The following REXO5 variants were observed in gnomAD, a reference collection of about 807,000 sequenced individuals.
The protein encoded by REXO5 is exonuclease NEF-sp.
A neutral mutation model predicts 88.5 loss-of-function variants in REXO5; 48 were observed. The observed-to-expected ratio is 0.54, with a 90% CI of 0.43 to 0.69. The LOEUF is 0.69. Among genes scored for constraint, REXO5 ranks in the 30% least tolerant of loss-of-function variants. The pLI is 0.00. For missense variants in REXO5, 749 were observed against 912.2 expected, an observed-to-expected ratio of 0.82 and a Z score of 2.30; for synonymous variants, 311 against 336.5, an observed-to-expected ratio of 0.92 and a Z score of 0.83.
chr16:20,810,966 T>C lies in REXO5; in HGVS notation c.139-2224T>C, dbSNP rs151186021. ...GGCTTTAAACCCTGCAACAGGCCACTACTGTCCCTCAGCATTGATGCCCTC... is the reference window on the plus strand; with the variant it reads ...GGCTTTAAACCCTGCAACAGGCCACCACTGTCCCTCAGCATTGATGCCCTC... On this transcript the variant is annotated intron_variant, in intron 2 of 19. Coordinates refer to ENST00000261377, the MANE Select transcript of REXO5 (RefSeq NM_030941.3). Among the ~76,000 whole-genome samples the C allele has an allele frequency of 1.3e-3, 200 of 152,306 alleles. 3 individuals carry two copies. In the East Asian group the frequency reaches 0.036, roughly 27 times the overall value.
At chr16:20,810,199 T>A (rs1426724429) in intron 2 of REXO5, among the ~76,000 whole-genome samples, 3 of 152,218 alleles carry the variant, frequency 2.0e-5, no homozygotes. Flanking sequence ...TATGGTGATG[T>A]TAATACAGAT....
intron 2 of REXO5, among the ~76,000 whole-genome samples, chr16:20,811,135 C>T (rs985490273): frequency 1.3e-5 from 2 of 152,204 alleles, no homozygotes; most frequent in African/African-American, 4.8e-5. Context: ...GCTTCTGCTC[C>T]TAGTCCTGGA....
chr16:20,812,671 A>C (rs572324195), intron 2 of REXO5, among the ~76,000 whole-genome samples: 1 of 152,044 alleles, frequency 6.6e-6, no homozygotes, highest in South Asian at 2.1e-4. Flanking sequence ...CTCTCCTCAT[A>C]CCTCCACTAC....
At chr16:20,830,008 AC>A (rs1296459574) in intron 11 of REXO5, among the ~76,000 whole-genome samples, 1 of 152,160 alleles carries the variant, frequency 6.6e-6, no homozygotes, top group African/African-American at 2.4e-5. Flanking sequence ...CTGAAATAAA[AC>A]TTTATTTATT....
In REXO5 at chr16:20,808,539, G is replaced by T. The variant is rs116689383; in HGVS notation, c.138+1448G>T. ...TGAATCAAGTTCACTGCCCTAGTAG[G>T]TCTTATATTCTAGTGGGCAGAGACA... On this transcript the variant is annotated intron_variant, in intron 2 of 19. Transcript: ENST00000261377. 3.6e-3 allele frequency among the ~76,000 whole-genome samples: 552 copies of T among 151,946 alleles called. 3 individuals are homozygous for T. Among genetic ancestry groups the T allele is most frequent in the African/African-American group, 0.012 (508 of 41,428 alleles).
In REXO5 at chr16:20,845,111, G is replaced by A; in HGVS notation, c.1994G>A (p.Trp665Ter). 6.2e-7 allele frequency: 1 copy of A among 1,614,118 alleles called. No homozygotes were observed. Among genetic ancestry groups the A allele is most frequent in the South Asian group, 1.1e-5 (1 of 91,084 alleles). Residue 665 changes from tryptophan (W) to a stop codon, truncating the protein, a stop_gained, in exon 18 of 20, where the codon TGG becomes TAG. Coordinates refer to ENST00000261377, the MANE Select transcript of REXO5 (RefSeq NM_030941.3). LOFTEE classifies it high-confidence loss of function. ...QALNILTGKD[W>*]KLKGRHALTP... ...CTCAACATTCTCACAGGCAAGGACTGGAAGCTGAAAGGCAGGCATGCCCTA... is the reference window on the plus strand; with the variant it reads ...CTCAACATTCTCACAGGCAAGGACTAGAAGCTGAAAGGCAGGCATGCCCTA...
chr16:20,812,247 C>T (rs1005982817), intron 2 of REXO5, among the ~76,000 whole-genome samples: 6 of 152,084 alleles, frequency 3.9e-5, no homozygotes, highest in African/African-American at 9.7e-5. Flanking sequence ...ATAGGCCGGG[C>T]GTGGTGGCTC....
chr16:20,831,139 C>T (rs1464173250), intron 11 of REXO5, among the ~76,000 whole-genome samples: 1 of 151,530 alleles, frequency 6.6e-6, no homozygotes, highest in Non-Finnish European at 1.5e-5. Context: ...CTACAAATAA[C>T]TTACTTTTAT....
chr16:20,844,939 G>T, intron 17 of REXO5, 94 bp downstream of exon 17: 1 of 1,537,564 alleles, frequency 6.5e-7, no homozygotes, highest in Non-Finnish European at 8.9e-7. Context: ...TCCTGGGCTG[G>T]ACCAGGGCAG....
chr16:20,820,538 A>G (rs1227822635), intron 5 of REXO5, among the ~76,000 whole-genome samples: 1 of 10,618 alleles, frequency 9.4e-5, no homozygotes. Flanking sequence ...ATATATATAT[A>G]TATATATTTT....
chr16:20,808,390 T>A (rs1458690393), intron 2 of REXO5, among the ~76,000 whole-genome samples: 6 of 152,138 alleles, frequency 3.9e-5, no homozygotes, highest in Admixed American at 3.9e-4. Context: ...TGGACTACAG[T>A]GGTGTGACAA....
chr16:20,813,342 T>G, intron 3 of REXO5, 40 bp downstream of exon 3: 3 of 1,047,066 alleles, frequency 2.9e-6, no homozygotes, highest in Non-Finnish European at 1.4e-6. Context: ...GACCAGCGGT[T>G]TCTTTTTTTT....
intron 14 of REXO5, 107 bp downstream of exon 14, chr16:20,839,966 G>A: frequency 1.4e-6 from 1 of 709,022 alleles, no homozygotes; most frequent in Non-Finnish European, 2.3e-6. Flanking sequence ...TTTTTCTCTA[G>A]ATTTTTACTA....
intron 11 of REXO5, among the ~76,000 whole-genome samples, chr16:20,831,467 A>G (rs574197032): frequency 1.6e-4 from 24 of 152,286 alleles, no homozygotes; most frequent in African/African-American, 5.8e-4. Flanking sequence ...ATGCATTACT[A>G]TTGGTTCATT....
At chr16:20,813,344 C>CTTTTTTCTTTTT in intron 3 of REXO5, 42 bp downstream of exon 3, 2 of 643,324 alleles carry the variant, frequency 3.1e-6, no homozygotes, top group Non-Finnish European at 5.0e-6. Context: ...CCAGCGGTTT[C>CTTTTTTCTTTTT]TTTTTTTTTT....
intron 2 of REXO5, among the ~76,000 whole-genome samples, chr16:20,810,041 A>G (rs757479513): frequency 2.0e-5 from 3 of 152,344 alleles, no homozygotes; most frequent in Non-Finnish European, 4.4e-5. Flanking sequence ...TGACATGACA[A>G]CATCATTCTT....
intron 18 of REXO5, among the ~76,000 whole-genome samples, 158 bp from the exon 19 acceptor site, chr16:20,846,062 AG>A (rs1422204037): frequency 3.3e-5 from 5 of 152,348 alleles, no homozygotes. Flanking sequence ...CTGGGTCAGC[AG>A]AGAACCTGCA....
intron 19 of REXO5, 131 bp downstream of exon 19, chr16:20,846,470 G>A (rs574053279): frequency 4.8e-5 from 30 of 628,622 alleles, no homozygotes; most frequent in Middle Eastern, 3.3e-4. Flanking sequence ...AATTTTCACC[G>A]TTCTAAAAGA....
rs2081077640 is a variant in REXO5, at chr16:20,816,169, A to G, written c.432A>G (p.Leu144=). 3.1e-6 allele frequency: 5 copies of G among 1,614,018 alleles called. No individual in the cohort carries two copies. The highest frequency in any genetic ancestry group is 3.4e-6 in the Non-Finnish European group (4 of 1,180,012). ...ATTTTCTAGCTGATGTTGTTGGGCT[A>G]CAAACTGAACAAAGAGCTGGAGATC... is the stretch of plus-strand genomic sequence containing the variant. ...SSDFLADVVG[L]QTEQRAGDLP... Residue 144 remains leucine (L), a synonymous_variant, in exon 5 of 20, where the codon CTA becomes CTG. Coordinates refer to ENST00000261377, the MANE Select transcript of REXO5 (RefSeq NM_030941.3).
Sources: allele counts gnomAD v4.1 joint callset (sites outside exome capture counted in the v4.1 genomes callset), GRCh38; gene constraint gnomAD v4.1.1; transcripts MANE v1.5; gene names NCBI Gene and HGNC (gene_info 2026-07-23, HGNC 2026-07-21).